LRRC4C: variants seen among roughly 807,000 people sequenced by gnomAD.
LRRC4C encodes the protein leucine rich repeat containing 4C, also known as leucine-rich repeat-containing protein 4C.
In LRRC4C, 5 loss-of-function variants were observed where a neutral mutation model predicts 33.6. The ratio of observed to expected loss-of-function variants is 0.15; its 90% CI spans 0.08 to 0.31. LRRC4C has a LOEUF of 0.31. Among genes scored for constraint, LRRC4C ranks in the 10% least tolerant of loss-of-function variants. LRRC4C has a pLI of 1.00. For missense variants in LRRC4C, 560 were observed against 796.7 expected (o/e 0.70, Z 3.58); for synonymous variants, 329 against 302.0 (o/e 1.09, Z -0.93).
intron 2 of LRRC4C, among the ~76,000 whole-genome samples, chr11:40,697,068 T>A (rs1458007056): frequency 6.6e-6 from 1 of 152,070 alleles, no homozygotes; most frequent in Non-Finnish European, 1.5e-5. Context: ...CTCCTTTTCA[T>A]TAATCCGACA....
At chr11:40,900,693 A>T (rs1247077680) in intron 2 of LRRC4C, among the ~76,000 whole-genome samples, 1 of 151,956 alleles carries the variant, frequency 6.6e-6, no homozygotes, top group African/African-American at 2.4e-5. Context: ...AATAATGTTC[A>T]TTTCTTTTTA....
At chr11:40,356,574 G>C (rs1422600237) in intron 3 of LRRC4C, among the ~76,000 whole-genome samples, 2 of 152,158 alleles carry the variant, frequency 1.3e-5, no homozygotes, top group East Asian at 3.9e-4. Context: ...GTCTTGCCTG[G>C]GTCATTAGGT....
At chr11:40,880,381 T>C (rs1315175501) in intron 2 of LRRC4C, among the ~76,000 whole-genome samples, 1 of 152,110 alleles carries the variant, frequency 6.6e-6, no homozygotes, top group African/African-American at 2.4e-5. Flanking sequence ...ACTGAACAGA[T>C]ATTTTTGACT....
chr11:41,108,960 T>C (rs1941670257), intron 1 of LRRC4C, among the ~76,000 whole-genome samples: 2 of 152,110 alleles, frequency 1.3e-5, no homozygotes, highest in Non-Finnish European at 2.9e-5. Flanking sequence ...TCAGAGCACA[T>C]TGGTGAGCAT....
chr11:40,263,595 T>A (rs1212545671), intron 4 of LRRC4C, among the ~76,000 whole-genome samples: 1 of 152,080 alleles, frequency 6.6e-6, no homozygotes, highest in East Asian at 1.9e-4. Flanking sequence ...GCTCAAGAGA[T>A]CCTCCCATCT....
chr11:40,331,677 TTC>T (rs1565281360), intron 3 of LRRC4C, among the ~76,000 whole-genome samples: 1 of 152,156 alleles, frequency 6.6e-6, no homozygotes, highest in African/African-American at 2.4e-5. Context: ...GAAGTTTGAA[TTC>T]TCTCTCTCTT....
chr11:41,039,604 G>A (rs1468967071), intron 1 of LRRC4C, among the ~76,000 whole-genome samples: 2 of 152,190 alleles, frequency 1.3e-5, no homozygotes, highest in Non-Finnish European at 2.9e-5. Context: ...ACTGGAGTTA[G>A]TCGTCACTGT....
chr11:40,702,065 T>C (rs1448166018), intron 2 of LRRC4C, among the ~76,000 whole-genome samples: 2 of 152,072 alleles, frequency 1.3e-5, no homozygotes, highest in Non-Finnish European at 2.9e-5. Context: ...TATTAAGTGA[T>C]ACCATATCTG....
intron 3 of LRRC4C, among the ~76,000 whole-genome samples, chr11:40,384,152 T>C (rs1949011493): frequency 6.6e-6 from 1 of 152,004 alleles, no homozygotes; most frequent in Admixed American, 6.6e-5. Context: ...TTTGGTGCCA[T>C]ATTCAAGAAA....
intron 3 of LRRC4C, among the ~76,000 whole-genome samples, chr11:40,530,553 G>C (rs919420557): frequency 2.0e-5 from 3 of 152,078 alleles, no homozygotes; most frequent in African/African-American, 7.2e-5. Context: ...ATGCTCAGAG[G>C]ACCCTCAGTA....
At chr11:40,476,906 T>C (rs1209515263) in intron 3 of LRRC4C, among the ~76,000 whole-genome samples, 1 of 152,212 alleles carries the variant, frequency 6.6e-6, no homozygotes. Flanking sequence ...TTTTCTAATT[T>C]ATCCTATCCT....
intron 5 of LRRC4C, among the ~76,000 whole-genome samples, chr11:40,215,846 CA>C (rs1466230511): frequency 6.6e-6 from 1 of 152,020 alleles, no homozygotes; most frequent in Non-Finnish European, 1.5e-5. Flanking sequence ...GCTAAGAAGG[CA>C]AAAAGCCTAA....
At chr11:40,218,505 C>T (rs567155416) in intron 5 of LRRC4C, among the ~76,000 whole-genome samples, 61 of 152,040 alleles carry the variant, frequency 4.0e-4, no homozygotes, top group African/African-American at 1.3e-3. Context: ...AACCAGCCTC[C>T]GCATCAACAA....
At chr11:41,266,077 CTA>C (rs1404072290) in intron 1 of LRRC4C, among the ~76,000 whole-genome samples, 1 of 151,948 alleles carries the variant, frequency 6.6e-6, no homozygotes, top group Non-Finnish European at 1.5e-5. Flanking sequence ...ACAAATAATA[CTA>C]TGTTAATTGG....
intron 3 of LRRC4C, among the ~76,000 whole-genome samples, chr11:40,505,306 T>G (rs909201567): frequency 6.6e-6 from 1 of 152,200 alleles, no homozygotes; most frequent in Admixed American, 6.6e-5. Context: ...GACACCTTAC[T>G]TCCTGAAGTT....
At chr11:40,537,641 T>G (rs1480738198) in intron 3 of LRRC4C, among the ~76,000 whole-genome samples, 1 of 152,146 alleles carries the variant, frequency 6.6e-6, no homozygotes, top group Non-Finnish European at 1.5e-5. Context: ...CATCTGGTTC[T>G]CAAAAACCAT....
intron 2 of LRRC4C, among the ~76,000 whole-genome samples, chr11:40,823,466 G>A (rs1161328382): frequency 1.3e-5 from 2 of 151,618 alleles, no homozygotes; most frequent in East Asian, 1.9e-4. Context: ...AACATACTGG[G>A]AGAATATATT....
At chr11:41,108,574 T>G (rs1941648144) in intron 1 of LRRC4C, among the ~76,000 whole-genome samples, 1 of 152,244 alleles carries the variant, frequency 6.6e-6, no homozygotes, top group Middle Eastern at 3.4e-3. Flanking sequence ...CATTAGGATA[T>G]CTACTTGTCA....
chr11:40,401,758 A>G (rs1348578048), intron 3 of LRRC4C, among the ~76,000 whole-genome samples: 1 of 152,126 alleles, frequency 6.6e-6, no homozygotes, highest in African/African-American at 2.4e-5. Flanking sequence ...AGGGTGTGAA[A>G]TAATCCTTTA....
Sources: allele counts gnomAD v4.1 joint callset (sites outside exome capture counted in the v4.1 genomes callset), GRCh38; gene constraint gnomAD v4.1.1; transcripts MANE v1.5; gene names NCBI Gene and HGNC (gene_info 2026-07-23, HGNC 2026-07-21).